Variants in ZNF510 observed in about 807,000 individuals in gnomAD.
ZNF510 encodes the protein zinc finger protein 510.
In ZNF510, 15 loss-of-function variants were observed where a neutral mutation model predicts 18.1. That is an observed-to-expected ratio of 0.83 (90% CI 0.55 to 1.28). ZNF510 has a LOEUF of 1.28. Ranked by LOEUF, ZNF510 falls within the 50% of genes most tolerant of loss-of-function variation. The pLI, the probability that ZNF510 is intolerant of heterozygous loss-of-function variation, is 0.00. For synonymous variants in ZNF510, 261 were observed against 266.4 expected (o/e 0.98, Z 0.20); for missense variants, 724 against 791.8 (o/e 0.91, Z 1.03).
rs966996123 is a variant in ZNF510 at position 96,757,124 on chromosome 9, C to G, written c.*1654G>C. The G allele has an allele frequency of 2.0e-5, 3 of 152,154 alleles. No homozygotes were observed. Among genetic ancestry groups the G allele is most frequent in the African/African-American group, 7.2e-5 (3 of 41,430 alleles). The allele number at this position is 152,154 out of a possible 1,614,324, so 9.4% of individuals were successfully genotyped here. On this transcript the variant is annotated 3_prime_UTR_variant, in exon 6 of 6. Coordinates refer to ENST00000223428, the MANE Select transcript of ZNF510 (RefSeq NM_014930.3). ...CCCACAGGAACTAGTAAGATGTTGC[C>G]TTGGGCATGGATTCAATAAAGCCAT...
Position 96,758,855 on chromosome 9 carries a change from T to C in ZNF510, c.1975A>G (p.Asn659Asp), listed in dbSNP as rs150643136. The C allele has an allele frequency of 6.2e-7, 1 of 1,613,978 alleles. No individual in the cohort carries two copies. Among genetic ancestry groups the C allele is most frequent in the East Asian group, 2.2e-5 (1 of 44,872 alleles). The change falls in exon 6 of 6, where the codon AAT becomes GAT. Residue 659 changes from asparagine (N) to aspartate (D), a missense_variant. Transcript: ENST00000223428. ...TTCTTACATAATTTCCCATATTCAT[T>C]GCATTCATAAGATTTCTCCCCACTG... is the stretch of plus-strand genomic sequence containing the variant. ...THSGEKSYEC[N>D]EYGKLCKKST...
At chr9:96,763,046 T>TTGA in intron 5 of ZNF510, 72 bp downstream of exon 5, 1 of 1,200,394 alleles carries the variant, frequency 8.3e-7, no homozygotes, top group East Asian at 2.3e-5. Context: ...AATATTTAGG[T>TTGA]GTTCACCCCT....
In ZNF510 at chr9:96,756,362, G is replaced by A. The variant is rs185929937; in HGVS notation, c.*2416C>T. Reference sequence around the variant, plus strand: ...CAGGATCCTAGTAGTTTCAGTTGGCGAAAGCATCAGTGAGCCAGGCCCAAT... The same window carrying A: ...CAGGATCCTAGTAGTTTCAGTTGGCAAAAGCATCAGTGAGCCAGGCCCAAT... On this transcript the variant is annotated 3_prime_UTR_variant, in exon 6 of 6. Coordinates refer to ENST00000223428, the MANE Select transcript of ZNF510 (RefSeq NM_014930.3). 2.0e-5 allele frequency: 3 copies of A among 152,096 alleles called. No homozygotes were observed. The highest frequency in any genetic ancestry group is 6.5e-5 in the Admixed American group (1 of 15,280). 9.4% of individuals were successfully genotyped at this position (152,096 alleles called of 1,614,324 possible).
intron 2 of ZNF510, 51 bp downstream of exon 2, chr9:96,775,949 G>C: frequency 6.4e-7 from 1 of 1,571,752 alleles, no homozygotes; most frequent in Non-Finnish European, 8.6e-7. Context: ...CAGTAATGTG[G>C]CTTTTCCTGT....
chr9:96,758,750 TTGTCAAAAGGATTTTCTAG>T lies in ZNF510; in HGVS notation c.*9_*27del. On this transcript the variant is annotated 3_prime_UTR_variant, in exon 6 of 6. Coordinates refer to ENST00000223428, the MANE Select transcript of ZNF510 (RefSeq NM_014930.3). ...TCTGATATCAAATGGGGTATTCCTT[TTGTCAAAAGGATTTTCTAG>T]TTATTACATCAATAGGGATTCCCCT... 1 of 1,527,310 alleles carries T rather than the reference TTGTCAAAAGGATTTTCTAG, an allele frequency of 6.5e-7. No individual in the cohort carries two copies. Among genetic ancestry groups the T allele is most frequent in the Non-Finnish European group, 8.8e-7 (1 of 1,140,948 alleles). The allele number at this position is 1,527,310 out of a possible 1,614,324, so 94.6% of individuals were successfully genotyped here. A position where few individuals can be genotyped will look rare whatever the true frequency, so the allele number is the denominator to read the frequency against.
Position 96,760,039 on chromosome 9 carries a change from T to G in ZNF510, c.791A>C (p.Asn264Thr), listed in dbSNP as rs1037389208. The G allele has an allele frequency of 5.8e-5, 93 of 1,611,676 alleles. No individual in the cohort carries two copies. The highest frequency in any genetic ancestry group is 7.7e-5 in the Non-Finnish European group (91 of 1,179,062). The change falls in exon 6 of 6, where the codon AAT becomes ACT. Residue 264 changes from asparagine to threonine, a missense_variant. Physicochemically the swap from Asn to Thr is moderately conservative, Grantham distance 65. Transcript: ENST00000223428. ...FECNKIGKAF[N>T]DKANCVKHNS... Reference sequence around the variant, plus strand: ...ATGTTTAACACAGTTAGCCTTATCATTAAAGGCTTTTCCAATTTTATTACA... The same window carrying G: ...ATGTTTAACACAGTTAGCCTTATCAGTAAAGGCTTTTCCAATTTTATTACA...
Position 96,776,153 on chromosome 9 carries a change from T to C in ZNF510, c.-84A>G. ...CAAGACCTGCTCCTTTCTGGGTTCT[T>C]CTGCATCTGTTTGGAAGCCCTGGTG... On this transcript the variant is annotated 5_prime_UTR_variant, in exon 2 of 6. Coordinates refer to ENST00000223428, the MANE Select transcript of ZNF510 (RefSeq NM_014930.3). The C allele has an allele frequency of 1.3e-6, 2 of 1,532,162 alleles. No individual in the cohort carries two copies. Among genetic ancestry groups the C allele is most frequent in the Admixed American group, 2.0e-5 (1 of 49,336 alleles). 94.9% of individuals were successfully genotyped at this position (1,532,162 alleles called of 1,614,324 possible).
At chr9:96,777,657 G>A (rs1849732380) in intron 1 of ZNF510, 1 of 152,190 alleles carries the variant, frequency 6.6e-6, no homozygotes, top group Non-Finnish European at 1.5e-5. Flanking sequence ...AAATTCACGA[G>A]GTCCTTCTAG....
rs1849190395 is a variant in ZNF510 at position 96,756,261 on chromosome 9, A to G, written c.*2517T>C. ...TGGAGTATTGGCCAGAGCTGAGAAC[A>G]TCCTCGTGCTCTTTCCACTGAGAGG... On this transcript the variant is annotated 3_prime_UTR_variant, in exon 6 of 6. Coordinates refer to ENST00000223428, the MANE Select transcript of ZNF510 (RefSeq NM_014930.3). The G allele has an allele frequency of 6.6e-6, 1 of 152,210 alleles. No homozygotes were observed. The highest frequency in any genetic ancestry group is 1.5e-5 in the Non-Finnish European group (1 of 68,046). The allele number at this position is 152,210 out of a possible 1,614,324, so 9.4% of individuals were successfully genotyped here.
chr9:96,773,578 CTGTT>C (rs1241934056), intron 3 of ZNF510, among the ~76,000 whole-genome samples: 1 of 148,508 alleles, frequency 6.7e-6, no homozygotes, highest in African/African-American at 2.5e-5. Context: ...CTGTTGACAT[CTGTT>C]TTTTTTTTTT....
chr9:96,775,949 G>T, intron 2 of ZNF510, 51 bp downstream of exon 2: 2 of 1,571,752 alleles, frequency 1.3e-6, no homozygotes, highest in Non-Finnish European at 1.7e-6. Flanking sequence ...CAGTAATGTG[G>T]CTTTTCCTGT....
Position 96,758,645 on chromosome 9 carries a change from A to G in ZNF510, c.*133T>C. The G allele has an allele frequency of 1.1e-6, 1 of 909,018 alleles. No homozygotes were observed. Among genetic ancestry groups the G allele is most frequent in the South Asian group, 2.1e-5 (1 of 47,892 alleles). The allele number at this position is 909,018 out of a possible 1,614,324, so 56.3% of individuals were successfully genotyped here. ...CTTCATCTGGTTTCTTTCCTATGTG[A>G]ATTCTCTGATTCACAGTGAGGGTTT... On this transcript the variant is annotated 3_prime_UTR_variant, in exon 6 of 6. Coordinates refer to ENST00000223428, the MANE Select transcript of ZNF510 (RefSeq NM_014930.3).
intron 5 of ZNF510, 166 bp downstream of exon 5, chr9:96,762,952 T>C: frequency 1.8e-6 from 1 of 567,604 alleles, no homozygotes; most frequent in Non-Finnish European, 3.2e-6. Context: ...ACAAATTTCT[T>C]ACTTTTAATG....
At chr9:96,766,571 T>A (rs1387057748) in intron 3 of ZNF510, among the ~76,000 whole-genome samples, 2 of 150,352 alleles carry the variant, frequency 1.3e-5, no homozygotes, top group African/African-American at 5.0e-5. Flanking sequence ...TGAAAAGACA[T>A]AATTAACCAA....
In ZNF510 at chr9:96,759,189, A is replaced by G. The variant is rs1849272550; in HGVS notation, c.1641T>C (p.Asn547=). Residue 547 remains asparagine (N), a synonymous_variant, in exon 6 of 6, where the codon AAT becomes AAC. Transcript: ENST00000223428. ...THTGEKTYQC[N]ECEKSFWRKD... ...TTCGCCAGAAGGATTTTTCACATTC[A>G]TTACACTGGTAAGTTTTCTCCCCAG... The G allele has an allele frequency of 6.2e-7, 1 of 1,614,028 alleles. No individual in the cohort carries two copies.
At position 96,756,234 on chromosome 9, in the gene ZNF510, A is replaced by C. The variant is rs1849189847; in HGVS notation, c.*2544T>G. ...AACAAAAATGTAACATGGTTTATGA[A>C]ATGGAGTATTGGCCAGAGCTGAGAA... is the stretch of plus-strand genomic sequence containing the variant. On this transcript the variant is annotated 3_prime_UTR_variant, in exon 6 of 6. Transcript: ENST00000223428. The C allele has an allele frequency of 6.6e-6, 1 of 152,168 alleles. No homozygotes were observed. The highest frequency in any genetic ancestry group is 1.5e-5 in the Non-Finnish European group (1 of 68,034). The allele number at this position is 152,168 out of a possible 1,614,324, so 9.4% of individuals were successfully genotyped here.
At chr9:96,770,565 T>C (rs1459910325) in intron 3 of ZNF510, among the ~76,000 whole-genome samples, 1 of 151,770 alleles carries the variant, frequency 6.6e-6, no homozygotes, top group East Asian at 1.9e-4. Flanking sequence ...ATCGTGCCAT[T>C]GCAATCCAGC....
At position 96,757,377 on chromosome 9, in the gene ZNF510, G is replaced by A. The variant is rs1849221186; in HGVS notation, c.*1401C>T. 1 of 152,160 alleles carries A rather than the reference G, an allele frequency of 6.6e-6. No individual in the cohort carries two copies. The highest frequency in any genetic ancestry group is 1.5e-5 in the Non-Finnish European group (1 of 68,036). The allele number at this position is 152,160 out of a possible 1,614,324, so 9.4% of individuals were successfully genotyped here. The stretch of plus-strand genomic sequence containing the variant: ...GACTTTTAGGTTCATGCAAAGCCCT[G>A]TATCAGGTGGTACTATCAATTTCAT... On this transcript the variant is annotated 3_prime_UTR_variant, in exon 6 of 6. Coordinates refer to ENST00000223428, the MANE Select transcript of ZNF510 (RefSeq NM_014930.3).
At chr9:96,762,557 A>G (rs1003612139) in intron 5 of ZNF510, among the ~76,000 whole-genome samples, 2 of 152,012 alleles carry the variant, frequency 1.3e-5, no homozygotes, top group Admixed American at 6.6e-5. Flanking sequence ...CTGATACCAC[A>G]GTGGTTTTAC....
Sources: allele counts gnomAD v4.1 joint callset (sites outside exome capture counted in the v4.1 genomes callset), GRCh38; gene constraint gnomAD v4.1.1; transcripts MANE v1.5; gene names NCBI Gene and HGNC (gene_info 2026-07-23, HGNC 2026-07-21).